The following MMP11 variants were observed in gnomAD, a reference collection of about 807,000 sequenced individuals.
MMP11 encodes matrix metallopeptidase 11, also known as stromelysin-3.
In MMP11, 26 loss-of-function variants were observed where a neutral mutation model predicts 49.5. The observed-to-expected ratio is 0.52, with a 90% CI of 0.38 to 0.73. The LOEUF is 0.73. Ranked by LOEUF, MMP11 falls within the 30% of genes least tolerant of loss-of-function variation. MMP11 has a pLI of 0.00. For synonymous variants in MMP11, 265 were observed against 282.3 expected, an observed-to-expected ratio of 0.94 and a Z score of 0.62; for missense variants, 624 against 671.2, an observed-to-expected ratio of 0.93 and a Z score of 0.78.
rs200363154 is a variant in MMP11 at position 23,783,430 on chromosome 22, C to A, written c.1353C>A (p.Arg451=). The A allele has an allele frequency of 6.2e-7, 1 of 1,614,090 alleles. No individual in the cohort carries two copies. Among genetic ancestry groups the A allele is most frequent in the Non-Finnish European group, 8.5e-7 (1 of 1,180,038 alleles). ...QDADGYAYFL[R]GRLYWKFDPV... ...TCTCAGGCTATGCCTACTTCCTGCG[C>A]GGCCGCCTCTACTGGAAGTTTGACC... is the stretch of plus-strand genomic sequence containing the variant. The change falls in exon 8 of 8, where the codon CGC becomes CGA. Residue 451 remains arginine (R), a synonymous_variant. Transcript: ENST00000215743.
chr22:23,773,775 G>A (rs1298315114), intron 1 of MMP11, among the ~76,000 whole-genome samples: 2 of 152,180 alleles, frequency 1.3e-5, no homozygotes, highest in African/African-American at 4.8e-5. Context: ...CAGGGCCTGG[G>A]GCCAGAGCCT....
intron 1 of MMP11, among the ~76,000 whole-genome samples, chr22:23,777,275 G>C (rs1927444209): frequency 7.4e-6 from 1 of 135,786 alleles, no homozygotes; most frequent in Non-Finnish European, 1.5e-5. Context: ...ACAAAAATTA[G>C]CCAGGCGTGA....
intron 1 of MMP11, among the ~76,000 whole-genome samples, chr22:23,773,186 C>T (rs1020687686): frequency 4.6e-5 from 7 of 152,164 alleles, no homozygotes; most frequent in African/African-American, 1.4e-4. Context: ...CGGCATCGTT[C>T]GGGCTGGTGG....
In MMP11 at chr22:23,784,029, G is replaced by A. The variant is rs1292355208; in HGVS notation, c.*485G>A. 6.2e-6 allele frequency: 1 copy of A among 160,518 alleles called. No homozygotes were observed. Among genetic ancestry groups the A allele is most frequent in the African/African-American group, 2.4e-5 (1 of 41,832 alleles). 9.9% of individuals were successfully genotyped at this position (160,518 alleles called of 1,614,324 possible). A position where few individuals can be genotyped will look rare whatever the true frequency, so the allele number is the denominator to read the frequency against. On this transcript the variant is annotated 3_prime_UTR_variant, in exon 8 of 8. Transcript: ENST00000215743. ...TTCCTGAGGTCAGGTCTTGGTAGGT[G>A]CCTGCATCTGTCTGCCTTCTGGCTG...
Position 23,780,522 on chromosome 22 carries a change from C to G in MMP11, c.482+20C>G. On this transcript the variant is annotated intron_variant, in intron 3 of 7. Transcript: ENST00000215743. This position sits in a 1 kb window ranked among gnomAD's most constrained non-coding sequence, Gnocchi z 4.6. ...CGCCAGGTGAATGGGCGGCCTGGGA[C>G]CCCTCCGGGAACAGCCTCGCCTGCC... 1 of 1,613,496 alleles carries G rather than the reference C, an allele frequency of 6.2e-7. No individual in the cohort carries two copies. The highest frequency in any genetic ancestry group is 8.5e-7 in the Non-Finnish European group (1 of 1,179,944).
At chr22:23,783,209 T>A (rs1318482025) in intron 7 of MMP11, among the ~76,000 whole-genome samples, 1 of 152,048 alleles carries the variant, frequency 6.6e-6, no homozygotes, top group African/African-American at 2.4e-5. Flanking sequence ...CAGCCCAGAT[T>A]CCGGGGCAGG....
intron 1 of MMP11, among the ~76,000 whole-genome samples, chr22:23,775,794 G>A (rs1927391744): frequency 6.6e-6 from 1 of 152,194 alleles, no homozygotes; most frequent in Admixed American, 6.5e-5. Flanking sequence ...GTGGGTGATG[G>A]GAACTGTAGG....
At chr22:23,781,539 C>T (rs1045197680) in intron 6 of MMP11, 130 bp downstream of exon 6, 12 of 873,312 alleles carry the variant, frequency 1.4e-5, no homozygotes, top group Non-Finnish European at 1.7e-5. Flanking sequence ...GCCTGGGGGC[C>T]GAGGGAGAGA....
chr22:23,775,479 C>T (rs891208403), intron 1 of MMP11, among the ~76,000 whole-genome samples: 8 of 152,220 alleles, frequency 5.3e-5, no homozygotes, highest in Non-Finnish European at 8.8e-5. Flanking sequence ...TGTGGGAGGA[C>T]AGTGAGGCAG....
At chr22:23,779,454 T>G in intron 2 of MMP11, 38 bp downstream of exon 2, 1 of 1,546,990 alleles carries the variant, frequency 6.5e-7, no homozygotes, top group Non-Finnish European at 8.8e-7. Flanking sequence ...ATGCCACCTG[T>G]GTGTCCGTGG....
At chr22:23,779,839 C>T (rs749262499) in intron 2 of MMP11, 4 of 264,660 alleles carry the variant, frequency 1.5e-5, no homozygotes, top group Admixed American at 9.9e-5. Context: ...ACTTGGGCTT[C>T]GAGCAGGTGG....
rs1373283464 is a variant in MMP11, at chr22:23,779,302, T to C, written c.224T>C (p.Leu75Pro). Reference sequence around the variant, plus strand: ...GAAGCCCCCCGGCCTGCCAGCAGCCTCAGGCCTCCCCGCTGTGGCGTGCCC... The same window carrying C: ...GAAGCCCCCCGGCCTGCCAGCAGCCCCAGGCCTCCCCGCTGTGGCGTGCCC... ...TQEAPRPASS[L>P]RPPRCGVPDP... is the part of the protein sequence containing the mutation. Residue 75 changes from leucine to proline, a missense_variant, in exon 2 of 8, where the codon CTC becomes CCC. Physicochemically the swap from Leu to Pro is moderately conservative, Grantham distance 98. Transcript: ENST00000215743. The C allele has an allele frequency of 6.2e-7, 1 of 1,611,848 alleles. No individual in the cohort carries two copies.
Position 23,781,388 on chromosome 22 carries a change from G to A in MMP11, c.1054G>A (p.Gly352Ser). 1 of 1,607,442 alleles carries A rather than the reference G, an allele frequency of 6.2e-7. No homozygotes were observed. ...GGACGCTGCCTTCGAGGATGCCCAG[G>A]GCCACATTTGGTTCTTCCAAGGTGA... The part of the protein sequence containing the change: ...PVDAAFEDAQ[G>S]HIWFFQGAQY... The change falls in exon 6 of 8, where the codon GGC (glycine) becomes AGC (serine). Residue 352 changes from glycine to serine, a missense_variant. Physicochemically the swap from Gly to Ser is moderately conservative, Grantham distance 56. Transcript: ENST00000215743.
rs202225386 is a variant in MMP11, at chr22:23,781,582, G to A, written c.1075+173G>A. 27 of 660,204 alleles carry A rather than the reference G, an allele frequency of 4.1e-5. No individual in the cohort carries two copies. In the East Asian group the frequency reaches 7.3e-4, roughly 18 times the overall value. 40.9% of individuals were successfully genotyped at this position (660,204 alleles called of 1,614,324 possible). A position where few individuals can be genotyped will look rare whatever the true frequency, so the allele number is the denominator to read the frequency against. On this transcript the variant is annotated intron_variant, in intron 6 of 7. Coordinates refer to ENST00000215743, the MANE Select transcript of MMP11 (RefSeq NM_005940.5). ...GTTTGTTCCTCAGGCACAGGTAGGA[G>A]GTTCTCGGAGGTGGCTCTTGAGATA...
intron 1 of MMP11, among the ~76,000 whole-genome samples, chr22:23,778,072 G>A (rs1361553787): frequency 6.6e-6 from 1 of 152,210 alleles, no homozygotes; most frequent in African/African-American, 2.4e-5. Context: ...GCTGTGAGGA[G>A]GCTGCAGTTG....
chr22:23,772,938 T>C lies in MMP11; in HGVS notation c.68T>C (p.Leu23Pro). Residue 23 changes from leucine (L) to proline (P), a missense_variant, in exon 1 of 8, where the codon CTG becomes CCG. Leu to Pro is a moderately conservative substitution (Grantham distance 98). Transcript: ENST00000215743. Reference sequence around the variant, plus strand: ...CTCCTGCCCCCGATGCTGCTGCTGCTGCTCCAGCCGCCGCCGCTGCTGGCC... The same window carrying C: ...CTCCTGCCCCCGATGCTGCTGCTGCCGCTCCAGCCGCCGCCGCTGCTGGCC... The part of the protein sequence containing the change: ...RALLPPMLLL[L>P]LQPPPLLARA... The C allele has an allele frequency of 8.2e-7, 1 of 1,215,124 alleles. No homozygotes were observed. The highest frequency in any genetic ancestry group is 1.0e-6 in the Non-Finnish European group (1 of 973,468). The allele number at this position is 1,215,124 out of a possible 1,614,324, so 75.3% of individuals were successfully genotyped here. A position where few individuals can be genotyped will look rare whatever the true frequency, so the allele number is the denominator to read the frequency against.
chr22:23,781,738 G>T (rs1456914851), intron 6 of MMP11: 2 of 633,952 alleles, frequency 3.2e-6, no homozygotes, highest in South Asian at 3.0e-5. Context: ...CACTGTGAGT[G>T]CAGCTGGGAA....
chr22:23,779,353 G>A lies in MMP11; in HGVS notation c.275G>A (p.Arg92His), dbSNP rs139978312. ...VPDPSDGLSARNRQKRFVLSG... is the reference protein window; with the variant it reads ...VPDPSDGLSAHNRQKRFVLSG... Reference sequence around the variant, plus strand: ...GACCCATCTGATGGGCTGAGTGCCCGCAACCGACAGAAGAGGTTCGTGCTT... The same window carrying A: ...GACCCATCTGATGGGCTGAGTGCCCACAACCGACAGAAGAGGTTCGTGCTT... Residue 92 changes from arginine to histidine, a missense_variant, in exon 2 of 8, where the codon CGC becomes CAC. By Grantham distance (29) the Arg-to-His change is conservative (BLOSUM62 0). Transcript: ENST00000215743. 17 of 1,612,892 alleles carry A rather than the reference G, an allele frequency of 1.1e-5. No homozygotes were observed. Among genetic ancestry groups the A allele is most frequent in the Admixed American group, 8.3e-5 (5 of 59,960 alleles).
chr22:23,779,739 C>T (rs1823922650), intron 2 of MMP11: 1 of 427,854 alleles, frequency 2.3e-6, no homozygotes, highest in African/African-American at 2.0e-5. Flanking sequence ...GGCTCTGGGA[C>T]TCCACGGTGA....
Sources: gnomAD v4.1 joint callset for allele counts (sites outside exome capture counted in the v4.1 genomes callset) on GRCh38, gnomAD v4.1.1 for gene constraint, Gnocchi (gnomAD v3.1) non-coding constraint, MANE v1.5 for transcripts, NCBI Gene and HGNC (gene_info 2026-07-23, HGNC 2026-07-21) for gene names.